Variants in TTBK1 observed in about 807,000 individuals in gnomAD.
TTBK1 encodes the protein tau tubulin kinase 1.
A neutral mutation model predicts 108.5 loss-of-function variants in TTBK1; 34 were observed. That is an observed-to-expected ratio of 0.31 (90% confidence interval 0.24 to 0.42). TTBK1 has a LOEUF of 0.42. TTBK1 is among the 10% of genes least tolerant of loss of function. The pLI, the probability that TTBK1 is intolerant of heterozygous loss-of-function variation, is 1.00. For synonymous variants in TTBK1, 809 were observed against 795.1 expected, an observed-to-expected ratio of 1.02 and a Z score of -0.29; for missense variants, 1,539 against 1,826.0, an observed-to-expected ratio of 0.84 and a Z score of 2.86.
chr6:43,263,026 C>T lies in TTBK1; in HGVS notation c.1662C>T (p.Asp554=), dbSNP rs1777583130. ...VIIDKETELK[D]FPPGAEPSTS... is the part of the protein sequence containing the mutation. ...TCGACAAGGAGACGGAGCTCAAGGACTTCCCTCCAGGGGCTGAGCCCAGCA... is the reference window on the plus strand; with the variant it reads ...TCGACAAGGAGACGGAGCTCAAGGATTTCCCTCCAGGGGCTGAGCCCAGCA... Residue 554 remains aspartate, a synonymous_variant, in exon 13 of 15, where the codon GAC becomes GAT. Transcript: ENST00000259750. The surrounding 1 kb of genome is among the most constrained non-coding windows in gnomAD (Gnocchi z 4.7). The T allele has an allele frequency of 6.2e-7, 1 of 1,602,228 alleles. No homozygotes were observed.
chr6:43,245,997 G>A (rs574415095), intron 1 of TTBK1, among the ~76,000 whole-genome samples: 1 of 152,154 alleles, frequency 6.6e-6, no homozygotes, highest in Non-Finnish European at 1.5e-5. Flanking sequence ...TGTGTCAGTG[G>A]GTTCAGCTCA....
chr6:43,249,931 C>T (rs1287911099), intron 2 of TTBK1, among the ~76,000 whole-genome samples: 2 of 151,750 alleles, frequency 1.3e-5, no homozygotes, highest in Admixed American at 6.6e-5. Context: ...CTAAAGGTAT[C>T]GGGGCCTAGT....
chr6:43,285,326 ACAAC>A lies in TTBK1; in HGVS notation c.3920_3923del (p.Thr1307LysfsTer75). On this transcript the variant is annotated frameshift_variant, in exon 15 of 15. Transcript: ENST00000259750. LOFTEE classifies it high-confidence loss of function. This position sits in a 1 kb window ranked among gnomAD's most constrained non-coding sequence, Gnocchi z 4.7. ...AGGGAAACTCCAGGCTCAGCGCGCA[ACAAC>A]CAAAGGCCGGGCAGGAGGCGCGGAG... The A allele has an allele frequency of 7.7e-7, 1 of 1,293,706 alleles. No individual in the cohort carries two copies. 80.1% of individuals were successfully genotyped at this position (1,293,706 alleles called of 1,614,324 possible). A position where few individuals can be genotyped will look rare whatever the true frequency, so the allele number is the denominator to read the frequency against.
intron 6 of TTBK1, among the ~76,000 whole-genome samples, 153 bp from the exon 7 acceptor site, chr6:43,254,896 C>T (rs1448681168): frequency 6.6e-6 from 1 of 151,982 alleles, no homozygotes; most frequent in Non-Finnish European, 1.5e-5. Context: ...GCAGGGTCAG[C>T]AGGCGGGTTT....
rs1338272052 is a variant in TTBK1, at chr6:43,253,484, G to A, written c.331-84G>A. 1 of 1,591,038 alleles carries A rather than the reference G, an allele frequency of 6.3e-7. No homozygotes were observed. The highest frequency in any genetic ancestry group is 8.6e-7 in the Non-Finnish European group (1 of 1,167,830). ...AGGGCAGTGGGCACAACCCTTTGGG[G>A]TGAGGCTGGGAAGAGTATCACAATG... On this transcript the variant is annotated intron_variant, in intron 4 of 14. Transcript: ENST00000259750. This position sits in a 1 kb window ranked among gnomAD's most constrained non-coding sequence, Gnocchi z 5.8.
chr6:43,256,285 G>T (rs751343609), intron 9 of TTBK1, among the ~76,000 whole-genome samples: 1 of 152,090 alleles, frequency 6.6e-6, no homozygotes, highest in Admixed American at 6.5e-5. Context: ...ACAGGCACGT[G>T]CCACCATGCC....
At chr6:43,266,300 A>G (rs1338632828) in intron 13 of TTBK1, among the ~76,000 whole-genome samples, 1 of 152,270 alleles carries the variant, frequency 6.6e-6, no homozygotes, top group Admixed American at 6.5e-5. Context: ...GCAGGTCTGC[A>G]AGTGTGTACA....
At chr6:43,258,401 T>C (rs1777434029) in intron 10 of TTBK1, among the ~76,000 whole-genome samples, 2 of 151,530 alleles carry the variant, frequency 1.3e-5, no homozygotes, top group South Asian at 4.2e-4. Flanking sequence ...AAGACAGAGG[T>C]GGTCGAGGGA....
At chr6:43,254,724 CT>C in intron 6 of TTBK1, 73 bp downstream of exon 6, 1 of 1,388,302 alleles carries the variant, frequency 7.2e-7, no homozygotes, top group Non-Finnish European at 9.8e-7. Flanking sequence ...CCTTCACCCA[CT>C]TTTCTTACAG....
intron 1 of TTBK1, among the ~76,000 whole-genome samples, chr6:43,246,259 G>A (rs1777082593): frequency 6.6e-6 from 1 of 152,154 alleles, no homozygotes. Context: ...CCAAAGCCCA[G>A]GCCTCCCCTA....
intron 13 of TTBK1, among the ~76,000 whole-genome samples, chr6:43,274,357 C>T (rs1261544822): frequency 1.3e-5 from 2 of 152,226 alleles, no homozygotes; most frequent in Non-Finnish European, 2.9e-5. Flanking sequence ...CTCTTCTGTC[C>T]TGCCTAGATC....
Position 43,281,375 on chromosome 6 carries a change from C to CAAA in TTBK1, c.1987-1336_1987-1334dup, listed in dbSNP as rs758326054. On this transcript the variant is annotated intron_variant, in intron 13 of 14. Transcript: ENST00000259750. ...TGGGCGACAGAGCAGGGCTCCATAT[C>CAAA]AAAAAAAAAAAAAAAAAAGATCTGA... Among the ~76,000 whole-genome samples, 95 of 76,222 alleles carry CAAA rather than the reference C, an allele frequency of 1.2e-3. 2 individuals are homozygous for CAAA. The East Asian group carries it at 0.026, about 21-fold the overall frequency. The allele number at this position is 76,222 out of a possible 152,430, so 50.0% of individuals were successfully genotyped here. A position where few individuals can be genotyped will look rare whatever the true frequency, so the allele number is the denominator to read the frequency against.
intron 12 of TTBK1, among the ~76,000 whole-genome samples, chr6:43,261,705 C>T (rs1777542967): frequency 6.6e-6 from 1 of 150,748 alleles, no homozygotes; most frequent in African/African-American, 2.4e-5. Context: ...AGCGCAGCTA[C>T]TCAGGAGGCT....
chr6:43,261,132 T>C (rs1777529831), intron 12 of TTBK1, among the ~76,000 whole-genome samples: 1 of 152,190 alleles, frequency 6.6e-6, no homozygotes, highest in South Asian at 2.1e-4. Flanking sequence ...TATTAACAAG[T>C]CAATGAAAAT....
intron 1 of TTBK1, among the ~76,000 whole-genome samples, chr6:43,244,141 C>G (rs964533970): frequency 9.2e-5 from 14 of 152,096 alleles, no homozygotes; most frequent in African/African-American, 3.4e-4. Flanking sequence ...CTCTTCCTTG[C>G]CTGTCATCAT....
intron 2 of TTBK1, chr6:43,248,122 T>C (rs1302922963): frequency 6.6e-6 from 1 of 152,084 alleles, no homozygotes; most frequent in Non-Finnish European, 1.5e-5. Flanking sequence ...AAAAGACAGT[T>C]TTTACACACA....
In TTBK1 at chr6:43,273,667, G is replaced by C. The variant is rs111993356; in HGVS notation, c.1987-9060G>C. Among the ~76,000 whole-genome samples, 163 of 152,252 alleles carry C rather than the reference G, an allele frequency of 1.1e-3. 1 individual carries two copies. Among genetic ancestry groups the C allele is most frequent in the African/African-American group, 3.7e-3 (152 of 41,538 alleles). On this transcript the variant is annotated intron_variant, in intron 13 of 14. Transcript: ENST00000259750. This position sits in a 1 kb window ranked among gnomAD's most constrained non-coding sequence, Gnocchi z 4.2. The stretch of plus-strand genomic sequence containing the variant: ...AGTGTCAGGGAAGTGGCAGGTTCAG[G>C]GACTGTGGTAAACAGGGGAACTCCC...
rs1464146376 is a variant in TTBK1 at position 43,285,235 on chromosome 6, C to T, written c.3825C>T (p.Gly1275=). The T allele has an allele frequency of 1.0e-5, 13 of 1,300,906 alleles. No homozygotes were observed. Among genetic ancestry groups the T allele is most frequent in the Middle Eastern group, 2.2e-4 (1 of 4,544 alleles). The allele number at this position is 1,300,906 out of a possible 1,614,324, so 80.6% of individuals were successfully genotyped here. A position where few individuals can be genotyped will look rare whatever the true frequency, so the allele number is the denominator to read the frequency against. The change falls in exon 15 of 15, where the codon GGC becomes GGT. Residue 1275 remains glycine (G), a synonymous_variant. Coordinates refer to ENST00000259750, the MANE Select transcript of TTBK1 (RefSeq NM_032538.3). This position sits in a 1 kb window ranked among gnomAD's most constrained non-coding sequence, Gnocchi z 4.7. The part of the protein sequence containing the change: ...QARPGVPPPR[G]VPPARAQPDG... ...GGCCCGGGGTCCCCCCGCCCCGGGG[C>T]GTCCCGCCGGCCCGGGCCCAGCCTG... is the stretch of plus-strand genomic sequence containing the variant.
At position 43,253,062 on chromosome 6, in the gene TTBK1, C is replaced by T. The variant is rs868401789; in HGVS notation, c.256+176C>T. 3.9e-5 allele frequency among the ~76,000 whole-genome samples: 6 copies of T among 151,906 alleles called. No homozygotes were observed. Among genetic ancestry groups the T allele is most frequent in the Admixed American group, 6.6e-5 (1 of 15,244 alleles). On this transcript the variant is annotated intron_variant, in intron 3 of 14. Coordinates refer to ENST00000259750, the MANE Select transcript of TTBK1 (RefSeq NM_032538.3). This position sits in a 1 kb window ranked among gnomAD's most constrained non-coding sequence, Gnocchi z 5.8. ...AGCCAGAGTCTAGGAGAGATGGGAC[C>T]GGGGTCTAAGACAGTGATGGGGCAG...
Sources: allele counts gnomAD v4.1 joint callset (sites outside exome capture counted in the v4.1 genomes callset), GRCh38; gene constraint gnomAD v4.1.1; non-coding constraint Gnocchi (gnomAD v3.1); transcripts MANE v1.5; gene names NCBI Gene and HGNC (gene_info 2026-07-23, HGNC 2026-07-21).